The following NIN variants were observed in gnomAD, a reference collection of about 807,000 sequenced individuals.
The protein encoded by NIN is ninein.
Under a neutral mutation model 257.6 loss-of-function variants are expected in NIN, and 137 were observed. That is an observed-to-expected ratio of 0.53 (90% confidence interval 0.46 to 0.61). The LOEUF is 0.61. Among genes scored for constraint, NIN ranks in the 20% least tolerant of loss-of-function variants. The pLI, the probability that NIN is intolerant of heterozygous loss-of-function variation, is 0.00. For synonymous variants in NIN, 918 were observed against 919.8 expected (o/e 1.00, Z 0.04); for missense variants, 2,439 against 2,501.2 (o/e 0.98, Z 0.53).
Position 50,778,751 on chromosome 14 carries a change from C to T in NIN, c.475+14G>A, listed in dbSNP as rs753427528. On this transcript the variant is annotated intron_variant, in intron 6 of 30. Transcript: ENST00000530997. ...CTTCCCTTCCAGGCACGTCCTGACACACTCGGCTCTTACCTTCCGCTTCAT... is the reference window on the plus strand; with the variant it reads ...CTTCCCTTCCAGGCACGTCCTGACATACTCGGCTCTTACCTTCCGCTTCAT... The T allele has an allele frequency of 5.8e-5, 94 of 1,613,700 alleles. 1 individual carries two copies. The South Asian group carries it at 9.9e-4, about 17-fold the overall frequency.
chr14:50,771,054 A>G (rs2042711180), intron 10 of NIN, 62 bp from the exon 11 acceptor site: 1 of 1,565,772 alleles, frequency 6.4e-7, no homozygotes, highest in Non-Finnish European at 8.7e-7. Flanking sequence ...TAGACCCAGA[A>G]AAGCTCTCAT....
chr14:50,803,842 T>G (rs1207566675), intron 4 of NIN, among the ~76,000 whole-genome samples: 4 of 152,078 alleles, frequency 2.6e-5, no homozygotes, highest in Non-Finnish European at 2.9e-5. Flanking sequence ...CCTCTGTCTC[T>G]GCCCAGCCAA....
chr14:50,757,858 GC>G lies in NIN; in HGVS notation c.3171del (p.Glu1057AspfsTer12). ...DGALSLLQQG[E>X]QLLEENGDVL... ...ACGTCCCCATTTTCTTCCAACAGCT[GC>G]TCCCCTTGCTGAAGCAGGGACAGGG... On this transcript the variant is annotated frameshift_variant, in exon 18 of 31. Transcript: ENST00000530997. LOFTEE classifies it high-confidence loss of function. The G allele has an allele frequency of 1.2e-6, 2 of 1,613,916 alleles. No individual in the cohort carries two copies. The highest frequency in any genetic ancestry group is 1.7e-6 in the Non-Finnish European group (2 of 1,180,026).
At chr14:50,825,196 G>A (rs1202721240) in intron 2 of NIN, among the ~76,000 whole-genome samples, 1 of 152,202 alleles carries the variant, frequency 6.6e-6, no homozygotes, top group African/African-American at 2.4e-5. Flanking sequence ...CAAAGGAGTG[G>A]TAAACTGAAG....
chr14:50,799,293 A>T (rs1040156924), intron 4 of NIN, among the ~76,000 whole-genome samples: 1 of 152,166 alleles, frequency 6.6e-6, no homozygotes, highest in African/African-American at 2.4e-5. Flanking sequence ...GGTCAACATC[A>T]GTCTAGCAGC....
chr14:50,822,618 C>T (rs2045279058), intron 2 of NIN, among the ~76,000 whole-genome samples: 1 of 152,216 alleles, frequency 6.6e-6, no homozygotes, highest in Non-Finnish European at 1.5e-5. Flanking sequence ...CTACTTCATT[C>T]AGCTTAGATG....
intron 21 of NIN, among the ~76,000 whole-genome samples, chr14:50,748,319 C>T (rs930176852): frequency 2.0e-5 from 3 of 152,098 alleles, no homozygotes; most frequent in Non-Finnish European, 2.9e-5. Context: ...ATTGATGGAA[C>T]GTATCTCCAA....
intron 30 of NIN, 186 bp downstream of exon 30, chr14:50,725,767 T>C (rs894362673): frequency 6.8e-6 from 7 of 1,035,102 alleles, no homozygotes; most frequent in Non-Finnish European, 9.9e-6. Flanking sequence ...TTGGAAAAAA[T>C]ACAGAGTTCG....
intron 20 of NIN, among the ~76,000 whole-genome samples, chr14:50,753,351 G>T (rs1266686726): frequency 1.3e-5 from 2 of 152,176 alleles, no homozygotes; most frequent in Non-Finnish European, 2.9e-5. Flanking sequence ...AGTGAGCTGA[G>T]ATTGCGCCAT....
intron 28 of NIN, among the ~76,000 whole-genome samples, chr14:50,733,782 C>T (rs2040836325): frequency 6.6e-6 from 1 of 152,146 alleles, no homozygotes; most frequent in African/African-American, 2.4e-5. Flanking sequence ...ATCAGAAAAG[C>T]ATGTCTACAT....
At position 50,741,707 on chromosome 14, in the gene NIN, C is replaced by G. The variant is rs375323558; in HGVS notation, c.5323G>C (p.Val1775Leu). The G allele has an allele frequency of 4.0e-5, 65 of 1,613,618 alleles. No individual in the cohort carries two copies. The highest frequency in any genetic ancestry group is 8.5e-6 in the Non-Finnish European group (10 of 1,179,886). ...QEKVQNLEDT[V>L]QNVNLQMSRM... ...GACATTTGCAGGTTTACATTCTGCACGGTGTCTTCTAAATTCTGAACCTGT... is the reference window on the plus strand; with the variant it reads ...GACATTTGCAGGTTTACATTCTGCAGGGTGTCTTCTAAATTCTGAACCTGT... Residue 1775 changes from valine to leucine, a missense_variant, in exon 25 of 31, where the codon GTG (valine) becomes CTG (leucine). Transcript: ENST00000530997.
chr14:50,756,938 G>T lies in NIN; in HGVS notation c.4092C>A (p.Leu1364=). ...ACTCTTCCAGTGTCTGATTGAGCTG[G>T]AGTATATTTCCATCAGGTTCGATTT... ...NLEIEPDGNI[L]QLNQTLEECV... is the part of the protein sequence containing the mutation. Residue 1364 remains leucine, a synonymous_variant, in exon 18 of 31, where the codon CTC becomes CTA. Transcript: ENST00000530997. 1.3e-6 allele frequency: 2 copies of T among 1,584,922 alleles called. No homozygotes were observed. The highest frequency in any genetic ancestry group is 1.7e-6 in the Non-Finnish European group (2 of 1,163,772).
At chr14:50,807,294 T>C (rs1354961986) in intron 3 of NIN, among the ~76,000 whole-genome samples, 1 of 152,214 alleles carries the variant, frequency 6.6e-6, no homozygotes, top group Non-Finnish European at 1.5e-5. Flanking sequence ...AGGGAAGGTA[T>C]ATAATATTTA....
intron 3 of NIN, 77 bp from the exon 4 acceptor site, chr14:50,806,895 CT>C (rs1253475891): frequency 7.3e-5 from 48 of 661,518 alleles, no homozygotes; most frequent in Non-Finnish European, 9.3e-5. Context: ...GGTACCAAAA[CT>C]GTTTTCTTCC....
chr14:50,800,754 G>A (rs182776696), intron 4 of NIN, among the ~76,000 whole-genome samples: 6 of 150,948 alleles, frequency 4.0e-5, no homozygotes, highest in African/African-American at 1.5e-4. Context: ...GGCACTGGTG[G>A]TGGTAGTGGT....
intron 20 of NIN, among the ~76,000 whole-genome samples, chr14:50,753,069 A>G (rs1258587294): frequency 2.6e-5 from 4 of 152,172 alleles, no homozygotes; most frequent in Admixed American, 6.5e-5. Context: ...TGGAAATTTT[A>G]TGTTTGGACA....
At chr14:50,744,644 G>T (rs1460635334) in intron 22 of NIN, among the ~76,000 whole-genome samples, 1 of 152,274 alleles carries the variant, frequency 6.6e-6, no homozygotes, top group Non-Finnish European at 1.5e-5. Context: ...AACCAGTCAA[G>T]ACTATAGAAT....
chr14:50,807,008 C>G (rs1248399215), intron 3 of NIN, among the ~76,000 whole-genome samples, 190 bp from the exon 4 acceptor site: 1 of 151,996 alleles, frequency 6.6e-6, no homozygotes, highest in African/African-American at 2.4e-5. Context: ...CACCTCGTGC[C>G]GTAAACATTC....
chr14:50,795,391 C>G (rs2142056040), intron 4 of NIN, among the ~76,000 whole-genome samples: 1 of 152,360 alleles, frequency 6.6e-6, no homozygotes, highest in South Asian at 2.1e-4. Flanking sequence ...AGAGAACATT[C>G]ACGGTCAACA....
Sources: allele counts gnomAD v4.1 joint callset (sites outside exome capture counted in the v4.1 genomes callset), GRCh38; gene constraint gnomAD v4.1.1; transcripts MANE v1.5; gene names NCBI Gene and HGNC (gene_info 2026-07-23, HGNC 2026-07-21).